XPO6: variants seen among roughly 807,000 people sequenced by gnomAD.
The protein encoded by XPO6 is exportin 6.
In XPO6, 3 loss-of-function variants were observed where a neutral mutation model predicts 130.0. The observed-to-expected ratio is 0.02, with a 90% CI of 0.01 to 0.06. The LOEUF (loss-of-function observed/expected upper bound fraction) is 0.06. Ranked by LOEUF, XPO6 falls within the 10% of genes least tolerant of loss-of-function variation. The pLI, the probability that XPO6 is intolerant of heterozygous loss-of-function variation, is 1.00. For synonymous variants in XPO6, 524 were observed against 548.9 expected (o/e 0.95, Z 0.63); for missense variants, 970 against 1,393.0 (o/e 0.70, Z 4.83).
intron 13 of XPO6, among the ~76,000 whole-genome samples, chr16:28,122,143 T>C (rs961602201): frequency 3.9e-5 from 6 of 152,102 alleles, no homozygotes; most frequent in Non-Finnish European, 8.8e-5. Flanking sequence ...TCGTGAATGT[T>C]CATCTATTAA....
At position 28,106,167 on chromosome 16, in the gene XPO6, C is replaced by A; in HGVS notation, c.2660G>T (p.Arg887Leu). ...SILHEGSTGC[R>L]VVEKFLKILQ... ...GATCTTCAGAAACTTCTCCACCACC[C>A]GGCAGCCTGTGCTGCCCTCGTGGAG... Residue 887 changes from arginine to leucine, a missense_variant, in exon 20 of 24, where the codon CGG (arginine) becomes CTG (leucine). Physicochemically the swap from Arg to Leu is moderately radical, Grantham distance 102 (BLOSUM62 -2). Transcript: ENST00000304658. The surrounding 1 kb of genome is among the most constrained non-coding windows in gnomAD (Gnocchi z 4.2). 6.2e-7 allele frequency: 1 copy of A among 1,614,168 alleles called. No individual in the cohort carries two copies.
Position 28,211,848 on chromosome 16 carries a change from C to T in XPO6, c.-480G>A, listed in dbSNP as rs2044138832. On this transcript the variant is annotated 5_prime_UTR_variant, in exon 1 of 24. Transcript: ENST00000304658. The stretch of plus-strand genomic sequence containing the variant: ...CGGGGGCCCGCGCTGTCCTCGCAGC[C>T]TCAACCCACACGGCCACTGCCGCCG... The T allele has an allele frequency of 5.2e-6, 1 of 192,338 alleles. No homozygotes were observed. 11.9% of individuals were successfully genotyped at this position (192,338 alleles called of 1,614,324 possible). A position where few individuals can be genotyped will look rare whatever the true frequency, so the allele number is the denominator to read the frequency against.
chr16:28,197,107 C>G (rs1236866384), intron 1 of XPO6, among the ~76,000 whole-genome samples: 1 of 151,884 alleles, frequency 6.6e-6, no homozygotes, highest in Non-Finnish European at 1.5e-5. Flanking sequence ...CAAAAATTAG[C>G]CGGGTGTGAT....
intron 1 of XPO6, among the ~76,000 whole-genome samples, chr16:28,188,010 G>A (rs1466070752): frequency 6.6e-6 from 1 of 152,080 alleles, no homozygotes. Flanking sequence ...CTCAAACCCT[G>A]ATTAAATCTG....
chr16:28,211,409 G>C lies in XPO6; in HGVS notation c.-41C>G. The C allele has an allele frequency of 7.6e-7, 1 of 1,311,796 alleles. No individual in the cohort carries two copies. Among genetic ancestry groups the C allele is most frequent in the East Asian group, 2.8e-5 (1 of 35,656 alleles). 81.3% of individuals were successfully genotyped at this position (1,311,796 alleles called of 1,614,324 possible). A position where few individuals can be genotyped will look rare whatever the true frequency, so the allele number is the denominator to read the frequency against. ...GGCGGCTCAGATGAGCTGGTTCTTG[G>C]GCTTCGGACACGTCCCGCTCGCACA... On this transcript the variant is annotated 5_prime_UTR_variant, in exon 1 of 24. Transcript: ENST00000304658.
chr16:28,110,240 T>C (rs370750249), intron 17 of XPO6, among the ~76,000 whole-genome samples: 2 of 152,236 alleles, frequency 1.3e-5, no homozygotes, highest in Non-Finnish European at 2.9e-5. Context: ...GTCATTCACA[T>C]ACTACACTGC....
At chr16:28,200,421 T>C (rs2043936473) in intron 1 of XPO6, among the ~76,000 whole-genome samples, 2 of 152,180 alleles carry the variant, frequency 1.3e-5, no homozygotes, top group African/African-American at 4.8e-5. Context: ...ATCTTCCTTT[T>C]TGTTGATGTC....
At chr16:28,163,098 T>C (rs565069911) in intron 6 of XPO6, among the ~76,000 whole-genome samples, 21 of 152,000 alleles carry the variant, frequency 1.4e-4, no homozygotes, top group Non-Finnish European at 2.1e-4. Context: ...CTGACAAATA[T>C]CCCCTGCAGG....
At chr16:28,138,844 A>C (rs2042830551) in intron 9 of XPO6, among the ~76,000 whole-genome samples, 1 of 152,200 alleles carries the variant, frequency 6.6e-6, no homozygotes, top group South Asian at 2.1e-4. Context: ...TGGAGAGGGA[A>C]GCCACGCCTA....
intron 12 of XPO6, among the ~76,000 whole-genome samples, chr16:28,127,171 T>A (rs1444930110): frequency 6.6e-6 from 1 of 152,194 alleles, no homozygotes. Flanking sequence ...TATGCCACTA[T>A]GTCATCCAGA....
intron 16 of XPO6, 53 bp downstream of exon 16, chr16:28,112,851 T>G: frequency 1.3e-6 from 2 of 1,572,626 alleles, no homozygotes; most frequent in Non-Finnish European, 8.6e-7. Flanking sequence ...CTCAGCTTCC[T>G]TGGGTCTCAG....
intron 21 of XPO6, 120 bp downstream of exon 21, chr16:28,104,426 A>G (rs752631306): frequency 3.4e-5 from 43 of 1,252,944 alleles, no homozygotes; most frequent in Non-Finnish European, 4.4e-5. Context: ...AATTAACTTC[A>G]TCAATACTAA....
chr16:28,208,532 A>T (rs1409553801), intron 1 of XPO6, among the ~76,000 whole-genome samples: 1 of 152,190 alleles, frequency 6.6e-6, no homozygotes, highest in Non-Finnish European at 1.5e-5. Context: ...AATCCTATTC[A>T]CATCAACTAT....
Position 28,107,661 on chromosome 16 carries a change from G to A in XPO6, c.2358C>T (p.His786=), listed in dbSNP as rs1210321259. The A allele has an allele frequency of 5.0e-6, 8 of 1,614,000 alleles. No individual in the cohort carries two copies. The Admixed American group carries it at 1.3e-4, about 27-fold the overall frequency. ...MPLDDTKLII[H]QTLSVLEDIV... is the part of the protein sequence containing the mutation. ...TATCTTCTAAGACGCTGAGTGTCTG[G>A]TGGATAATCAGTTTGGCTGCAAATC... Residue 786 remains histidine (H), a synonymous_variant, in exon 18 of 24, where the codon CAC becomes CAT. Transcript: ENST00000304658.
At chr16:28,175,842 A>C in intron 4 of XPO6, 56 bp downstream of exon 4, 1 of 1,527,250 alleles carries the variant, frequency 6.5e-7, no homozygotes, top group Non-Finnish European at 9.1e-7. Flanking sequence ...CAAGGAAATA[A>C]TCACTTCAAC....
chr16:28,113,876 T>C (rs534671808), intron 15 of XPO6, among the ~76,000 whole-genome samples: 6 of 152,312 alleles, frequency 3.9e-5, no homozygotes, highest in Non-Finnish European at 7.3e-5. Flanking sequence ...GATAGGACTA[T>C]TTTCAAAGTT....
At chr16:28,165,077 C>T (rs988221039) in intron 6 of XPO6, among the ~76,000 whole-genome samples, 1 of 152,098 alleles carries the variant, frequency 6.6e-6, no homozygotes, top group Admixed American at 6.5e-5. Flanking sequence ...ATTAGCCAGG[C>T]ATGTTGGTGC....
rs778495516 is a variant in XPO6 at position 28,169,886 on chromosome 16, G to A, written c.429C>T (p.Thr143=). The change falls in exon 5 of 24, where the codon ACC becomes ACT. Residue 143 remains threonine, a synonymous_variant. Coordinates refer to ENST00000304658, the MANE Select transcript of XPO6 (RefSeq NM_015171.4). ...TCTTCAACATGATCAGCCCAAGGGG[G>A]GTTGTCACAGGGGACTGGATCAACT... ...ILQLIQSPVT[T]PLGLIMLKTT... is the part of the protein sequence containing the mutation. 1.2e-6 allele frequency: 2 copies of A among 1,614,094 alleles called. No individual in the cohort carries two copies. The highest frequency in any genetic ancestry group is 8.5e-7 in the Non-Finnish European group (1 of 1,179,982).
chr16:28,109,747 C>A (rs1275069261), intron 17 of XPO6, among the ~76,000 whole-genome samples: 4 of 152,154 alleles, frequency 2.6e-5, no homozygotes, highest in Non-Finnish European at 5.9e-5. Flanking sequence ...TAGATTACAT[C>A]CTGGATTTTT....
Sources: allele counts gnomAD v4.1 joint callset (sites outside exome capture counted in the v4.1 genomes callset), GRCh38; gene constraint gnomAD v4.1.1; non-coding constraint Gnocchi (gnomAD v3.1); transcripts MANE v1.5; gene names NCBI Gene and HGNC (gene_info 2026-07-23, HGNC 2026-07-21).